The following DOCK4 variants were observed in gnomAD, a reference collection of about 807,000 sequenced individuals.
DOCK4 encodes the protein dedicator of cytokinesis 4.
DOCK4 carries 97 observed loss-of-function variants against 268.1 expected under a neutral mutation model. The ratio of observed to expected loss-of-function variants is 0.36; its 90% CI spans 0.31 to 0.43. DOCK4 has a LOEUF of 0.43. DOCK4 is among the 20% of genes least tolerant of loss of function. DOCK4 has a pLI of 1.00. For synonymous variants in DOCK4, 954 were observed against 887.2 expected, an observed-to-expected ratio of 1.08 and a Z score of -1.34; for missense variants, 2,145 against 2,455.7, an observed-to-expected ratio of 0.87 and a Z score of 2.67.
chr7:112,055,632 G>A (rs953875648), intron 1 of DOCK4, among the ~76,000 whole-genome samples: 3 of 152,188 alleles, frequency 2.0e-5, no homozygotes, highest in Non-Finnish European at 4.4e-5. Context: ...CTAGGGCAGG[G>A]CGCGGTAGCT....
intron 1 of DOCK4, among the ~76,000 whole-genome samples, chr7:112,127,993 C>T (rs529858527): frequency 6.6e-5 from 10 of 152,328 alleles, no homozygotes; most frequent in African/African-American, 2.4e-4. Context: ...TGTGCCACTG[C>T]ACTCCAGCCT....
At chr7:111,821,740 C>G (rs914060110) in intron 27 of DOCK4, 5 of 152,296 alleles carry the variant, frequency 3.3e-5, no homozygotes, top group African/African-American at 1.2e-4. Context: ...ATTGGCCATA[C>G]CACTTGGATG....
At chr7:112,145,580 TC>T (rs968189452) in intron 1 of DOCK4, among the ~76,000 whole-genome samples, 7 of 152,218 alleles carry the variant, frequency 4.6e-5, no homozygotes, top group African/African-American at 1.7e-4. Context: ...ACATACCATT[TC>T]TTGTGTAATA....
intron 27 of DOCK4, among the ~76,000 whole-genome samples, chr7:111,816,518 G>C (rs528428673): frequency 2.0e-5 from 3 of 152,110 alleles, no homozygotes; most frequent in Non-Finnish European, 4.4e-5. Flanking sequence ...ACTACCTATG[G>C]CTTGGGAGGT....
At chr7:111,784,240 CAT>C (rs1462792543) in intron 32 of DOCK4, 117 bp from the exon 33 acceptor site, 1 of 1,203,450 alleles carries the variant, frequency 8.3e-7, no homozygotes, top group Non-Finnish European at 1.2e-6. Context: ...AGCTCAAAGA[CAT>C]TTTTTCCTAG....
At chr7:112,132,004 G>C (rs1202379345) in intron 1 of DOCK4, among the ~76,000 whole-genome samples, 1 of 152,186 alleles carries the variant, frequency 6.6e-6, no homozygotes, top group Non-Finnish European at 1.5e-5. Context: ...TCATCATTGT[G>C]AGCCTGAAAG....
chr7:111,732,489 T>C (rs1010314084), intron 51 of DOCK4: 5 of 598,706 alleles, frequency 8.4e-6, no homozygotes, highest in Middle Eastern at 3.2e-4. Flanking sequence ...TGCCAAGATA[T>C]GGGAGCATCA....
intron 1 of DOCK4, among the ~76,000 whole-genome samples, chr7:112,085,066 C>T (rs898413174): frequency 5.9e-5 from 9 of 152,080 alleles, no homozygotes; most frequent in African/African-American, 2.2e-4. Context: ...GAAAATTGTT[C>T]TAGTATATTC....
rs757577146 is a variant in DOCK4 at position 111,728,362 on chromosome 7, G to A, written c.5840C>T (p.Ala1947Val). 1.3e-6 allele frequency: 2 copies of A among 1,524,880 alleles called. No homozygotes were observed. The highest frequency in any genetic ancestry group is 8.8e-7 in the Non-Finnish European group (1 of 1,138,242). 94.5% of individuals were successfully genotyped at this position (1,524,880 alleles called of 1,614,324 possible). ...CCCATTCTCCAGGTGGCTGGATCGC[G>A]CTGCCAGAGGCTTGGGGGGCAGCGC... ...PPALPPKPLA[A>V]RSSHLENGAR... is the part of the protein sequence containing the mutation. The change falls in exon 53 of 53, where the codon GCG becomes GTG. Residue 1947 changes from alanine (A) to valine (V), a missense_variant. Ala to Val is a moderately conservative substitution (Grantham distance 64). Transcript: ENST00000428084.
At position 111,867,976 on chromosome 7, in the gene DOCK4, G is replaced by T; in HGVS notation, c.2280+8C>A. ...TTCTTCTATTCAGCATAGATGAAAAGAAATTACCTGTGACTGAGATAATGC... is the reference window on the plus strand; with the variant it reads ...TTCTTCTATTCAGCATAGATGAAAATAAATTACCTGTGACTGAGATAATGC... On this transcript the variant is annotated splice_region_variant and intron_variant, in intron 22 of 52. Transcript: ENST00000428084. 1.3e-6 allele frequency: 2 copies of T among 1,579,672 alleles called. No individual in the cohort carries two copies. The highest frequency in any genetic ancestry group is 1.7e-6 in the Non-Finnish European group (2 of 1,165,294).
chr7:112,143,209 A>T (rs1815098346), intron 1 of DOCK4, among the ~76,000 whole-genome samples: 2 of 152,056 alleles, frequency 1.3e-5, no homozygotes, highest in Non-Finnish European at 2.9e-5. Context: ...TCACCATAGG[A>T]TCACAATGCC....
chr7:112,011,367 C>T (rs1312586412), intron 1 of DOCK4, among the ~76,000 whole-genome samples: 2 of 152,146 alleles, frequency 1.3e-5, no homozygotes, highest in African/African-American at 4.8e-5. Flanking sequence ...TCAAGCACTC[C>T]CCATTCAGAA....
intron 25 of DOCK4, among the ~76,000 whole-genome samples, chr7:111,844,016 T>C (rs1803896164): frequency 6.6e-6 from 1 of 152,306 alleles, no homozygotes; most frequent in Non-Finnish European, 1.5e-5. Flanking sequence ...GGTTCACACC[T>C]GTAATCCCAA....
chr7:112,130,842 T>C (rs1032772691), intron 1 of DOCK4, among the ~76,000 whole-genome samples: 1 of 152,242 alleles, frequency 6.6e-6, no homozygotes, highest in African/African-American at 2.4e-5. Context: ...CAGTAAAATA[T>C]TAATGGCATT....
intron 1 of DOCK4, among the ~76,000 whole-genome samples, chr7:112,166,240 T>G (rs1817599617): frequency 1.3e-5 from 2 of 152,116 alleles, no homozygotes; most frequent in Non-Finnish European, 2.9e-5. Flanking sequence ...AAGAAAAAAC[T>G]GCCAAGAGTG....
intron 8 of DOCK4, among the ~76,000 whole-genome samples, chr7:111,974,492 A>ATATGTGTGTGTGTGTG (rs1491266241): frequency 1.2e-5 from 1 of 84,324 alleles, no homozygotes; most frequent in East Asian, 3.5e-4. Flanking sequence ...TTGAAGAGGG[A>ATATGTGTGTGTGTGTG]TGTGTGTGTG....
intron 30 of DOCK4, among the ~76,000 whole-genome samples, chr7:111,791,688 T>C (rs1246418036): frequency 6.6e-6 from 1 of 152,170 alleles, no homozygotes; most frequent in African/African-American, 2.4e-5. Context: ...CCTCATGTGA[T>C]CCGCCCAGCT....
Position 112,034,349 on chromosome 7 carries a change from G to A in DOCK4, c.38-30218C>T, listed in dbSNP as rs532892620. On this transcript the variant is annotated intron_variant, in intron 1 of 52. Transcript: ENST00000428084. ...AGGAATAAAACTCTAGCATGGCTCT[G>A]AATCTGGCCCGTGTCCTCTGCCCCA... Among the ~76,000 whole-genome samples the A allele has an allele frequency of 1.3e-4, 20 of 152,314 alleles. No individual in the cohort carries two copies. In the South Asian group the frequency reaches 4.1e-3, roughly 32 times the overall value.
At chr7:111,973,683 T>C (rs1256556490) in intron 8 of DOCK4, among the ~76,000 whole-genome samples, 10 of 152,084 alleles carry the variant, frequency 6.6e-5, no homozygotes, top group African/African-American at 2.4e-4. Context: ...TTCCTTTTTT[T>C]TTTTTTACAT....
Sources: allele counts gnomAD v4.1 joint callset (sites outside exome capture counted in the v4.1 genomes callset), GRCh38; gene constraint gnomAD v4.1.1; transcripts MANE v1.5; gene names NCBI Gene and HGNC (gene_info 2026-07-23, HGNC 2026-07-21).